The following ARHGAP24 variants were observed in gnomAD, a reference collection of about 807,000 sequenced individuals.
The protein encoded by ARHGAP24 is Rho GTPase activating protein 24.
In ARHGAP24, 50 loss-of-function variants were observed where a neutral mutation model predicts 76.4. The ratio of observed to expected loss-of-function variants is 0.65; its 90% CI spans 0.52 to 0.83. ARHGAP24 has a LOEUF of 0.83. Among genes scored for constraint, ARHGAP24 ranks in the 40% least tolerant of loss-of-function variants. ARHGAP24 has a pLI of 0.00. For missense variants in ARHGAP24, 930 were observed against 914.2 expected, an observed-to-expected ratio of 1.02 and a Z score of -0.22; for synonymous variants, 345 against 323.3, an observed-to-expected ratio of 1.07 and a Z score of -0.72.
intron 1 of ARHGAP24, among the ~76,000 whole-genome samples, chr4:85,566,165 A>T (rs1242540444): frequency 6.6e-6 from 1 of 152,166 alleles, no homozygotes; most frequent in East Asian, 1.9e-4. Context: ...GTTTATTTAG[A>T]TTATTACTTT....
chr4:85,881,820 T>A (rs1733270592), intron 3 of ARHGAP24, among the ~76,000 whole-genome samples: 1 of 152,144 alleles, frequency 6.6e-6, no homozygotes, highest in South Asian at 2.1e-4. Flanking sequence ...GATTTTACAT[T>A]TTAGTGAAGA....
intron 3 of ARHGAP24, among the ~76,000 whole-genome samples, chr4:85,747,328 C>A (rs1370318756): frequency 1.3e-5 from 2 of 151,838 alleles, no homozygotes; most frequent in Admixed American, 6.6e-5. Context: ...TGTTAGATAT[C>A]TTTTGTATTT....
At chr4:85,556,401 G>C (rs1726367960) in intron 1 of ARHGAP24, among the ~76,000 whole-genome samples, 1 of 152,118 alleles carries the variant, frequency 6.6e-6, no homozygotes, top group Admixed American at 6.5e-5. Context: ...TGAAGAGTGG[G>C]GTGTGGGAGC....
At chr4:85,754,660 C>A (rs960240336) in intron 3 of ARHGAP24, among the ~76,000 whole-genome samples, 1 of 151,866 alleles carries the variant, frequency 6.6e-6, no homozygotes, top group African/African-American at 2.4e-5. Flanking sequence ...ATTTTAAATT[C>A]CAGTGAGTGA....
intron 2 of ARHGAP24, among the ~76,000 whole-genome samples, chr4:85,659,759 G>T (rs1299010317): frequency 6.6e-6 from 1 of 152,112 alleles, no homozygotes; most frequent in Non-Finnish European, 1.5e-5. Flanking sequence ...TTTCAGGGTA[G>T]AAGAATGACT....
At chr4:85,995,960 G>T (rs1311265436) in intron 9 of ARHGAP24, among the ~76,000 whole-genome samples, 1 of 152,178 alleles carries the variant, frequency 6.6e-6, no homozygotes, top group Non-Finnish European at 1.5e-5. Flanking sequence ...TAAATAGATA[G>T]ATTTGCATTA....
At chr4:85,539,131 T>A (rs368716801) in intron 1 of ARHGAP24, among the ~76,000 whole-genome samples, 1 of 152,130 alleles carries the variant, frequency 6.6e-6, no homozygotes, top group East Asian at 1.9e-4. Context: ...GTCTCTAAGA[T>A]CTGAACCAAA....
At chr4:85,775,823 CA>C (rs1384202850) in intron 3 of ARHGAP24, among the ~76,000 whole-genome samples, 1 of 151,806 alleles carries the variant, frequency 6.6e-6, no homozygotes, top group East Asian at 1.9e-4. Flanking sequence ...CAATGCAAAG[CA>C]AGAGAATAAT....
intron 5 of ARHGAP24, among the ~76,000 whole-genome samples, chr4:85,966,899 T>TTA (rs1458813625): frequency 6.6e-6 from 1 of 152,146 alleles, no homozygotes; most frequent in Non-Finnish European, 1.5e-5. Flanking sequence ...AACCAAGGGA[T>TTA]TATACCGTAT....
chr4:85,603,061 T>C (rs2109989493), intron 2 of ARHGAP24, among the ~76,000 whole-genome samples: 1 of 152,320 alleles, frequency 6.6e-6, no homozygotes, highest in South Asian at 2.1e-4. Flanking sequence ...GCCAATTTAT[T>C]TTGTTCTGCC....
chr4:85,722,541 A>C (rs1157649115), intron 3 of ARHGAP24: 2 of 157,092 alleles, frequency 1.3e-5, no homozygotes, highest in Admixed American at 1.3e-4. Flanking sequence ...AGCTCTGCCA[A>C]GACATCAAAT....
At position 85,995,144 on chromosome 4, in the gene ARHGAP24, A is replaced by G. The variant is rs1477221938; in HGVS notation, c.1490A>G (p.Asn497Ser). The G allele has an allele frequency of 3.1e-6, 5 of 1,613,942 alleles. No homozygotes were observed. The Admixed American group carries it at 8.3e-5, about 27-fold the overall frequency. The change falls in exon 9 of 10, where the codon AAT becomes AGT. Residue 497 changes from asparagine to serine, a missense_variant. Asn to Ser is a conservative substitution (Grantham distance 46). Transcript: ENST00000395184. ...AGCGACACACTCGGGAACCCCACAA[A>G]TGTTCGAAACATGAGCTGGCTGCCA... Reference protein sequence around the residue: ...LNSDTLGNPTNVRNMSWLPNG... With the variant: ...LNSDTLGNPTSVRNMSWLPNG...
chr4:85,991,922 T>C (rs964441355), intron 8 of ARHGAP24: 5 of 381,944 alleles, frequency 1.3e-5, no homozygotes, highest in African/African-American at 1.0e-4. Flanking sequence ...ATTTACATAT[T>C]ATATTTAAAG....
Position 85,530,271 on chromosome 4 carries a change from C to T in ARHGAP24, c.-20-40251C>T, listed in dbSNP as rs112836837. Among the ~76,000 whole-genome samples, 1,468 of 152,134 alleles carry T rather than the reference C, an allele frequency of 9.6e-3. 13 individuals are homozygous for T. Among genetic ancestry groups the T allele is most frequent in the East Asian group, 0.019 (96 of 5,188 alleles). On this transcript the variant is annotated intron_variant, in intron 1 of 9. Coordinates refer to ENST00000395184, the MANE Select transcript of ARHGAP24 (RefSeq NM_001025616.3). ...TATGAGTTCACAAATATATACTTCA[C>T]TTTCCAAATGAATGAGAATTACGAT...
chr4:85,565,923 T>C (rs937529924), intron 1 of ARHGAP24, among the ~76,000 whole-genome samples: 10 of 152,206 alleles, frequency 6.6e-5, no homozygotes, highest in African/African-American at 2.4e-4. Flanking sequence ...TTGCACCATG[T>C]CATACTGTTG....
At chr4:85,859,209 GCA>G (rs1731745969) in intron 3 of ARHGAP24, among the ~76,000 whole-genome samples, 2 of 59,650 alleles carry the variant, frequency 3.4e-5, no homozygotes, top group South Asian at 1.7e-3. Context: ...ATAGCCACAT[GCA>G]TACACACACA....
chr4:85,799,056 T>G (rs1728475935), intron 3 of ARHGAP24, among the ~76,000 whole-genome samples: 1 of 152,188 alleles, frequency 6.6e-6, no homozygotes, highest in Non-Finnish European at 1.5e-5. Flanking sequence ...GAATAATTTT[T>G]TAAAATATAT....
chr4:85,799,353 GC>G (rs1469045947), intron 3 of ARHGAP24, among the ~76,000 whole-genome samples: 2 of 152,014 alleles, frequency 1.3e-5, no homozygotes, highest in Non-Finnish European at 1.5e-5. Context: ...TATTGAAAGG[GC>G]CCACTAACCA....
At chr4:85,939,074 G>C (rs896907133) in intron 4 of ARHGAP24, among the ~76,000 whole-genome samples, 2 of 152,144 alleles carry the variant, frequency 1.3e-5, no homozygotes, top group African/African-American at 4.8e-5. Context: ...CATTTGGCAA[G>C]TTACTTGACC....
Sources: allele counts gnomAD v4.1 joint callset (sites outside exome capture counted in the v4.1 genomes callset), GRCh38; gene constraint gnomAD v4.1.1; transcripts MANE v1.5; gene names NCBI Gene and HGNC (gene_info 2026-07-23, HGNC 2026-07-21).